Variants in DEFB123 observed in about 807,000 individuals in gnomAD.
DEFB123 encodes the protein beta-defensin 123.
For missense variants in DEFB123, 71 were observed against 75.0 expected (o/e 0.95, Z 0.20); for synonymous variants, 22 against 28.3 (o/e 0.78, Z 0.71).
At chr20:31,449,965 C>A in intron 1 of DEFB123, 64 bp from the exon 2 acceptor site, 1 of 1,505,732 alleles carries the variant, frequency 6.6e-7, no homozygotes. Context: ...TTTTACAGAC[C>A]TTTCAAATCC....
intron 1 of DEFB123, among the ~76,000 whole-genome samples, chr20:31,444,128 C>A (rs537588673): frequency 1.1e-4 from 16 of 152,230 alleles, no homozygotes; most frequent in African/African-American, 3.6e-4. Context: ...TTTTGACAAC[C>A]AATGGATTTT....
chr20:31,444,173 A>G (rs573802040), intron 1 of DEFB123, among the ~76,000 whole-genome samples: 30 of 152,150 alleles, frequency 2.0e-4, no homozygotes, highest in Non-Finnish European at 3.7e-4. Flanking sequence ...CATCACTTCA[A>G]TATTTTCAAA....
rs774611937 is a variant in DEFB123, at chr20:31,450,109, A to G, written c.139A>G (p.Ile47Val). Residue 47 changes from isoleucine (I) to valine (V), a missense_variant, in exon 2 of 2, where the codon ATA becomes GTA. Physicochemically the swap from Ile to Val is conservative, Grantham distance 29. Transcript: ENST00000376309. The part of the protein sequence containing the change: ...SKKERVYVYC[I>V]NNKMCCVKPK... ...GAAGGAAAGAGTCTATGTTTACTGCATAAATAATAAAATGTGCTGCGTGAA... is the reference window on the plus strand; with the variant it reads ...GAAGGAAAGAGTCTATGTTTACTGCGTAAATAATAAAATGTGCTGCGTGAA... 42 of 1,613,272 alleles carry G rather than the reference A, an allele frequency of 2.6e-5. No individual in the cohort carries two copies. Among genetic ancestry groups the G allele is most frequent in the Admixed American group, 1.7e-4 (10 of 59,880 alleles).
intron 1 of DEFB123, among the ~76,000 whole-genome samples, chr20:31,442,400 T>G (rs1430010571): frequency 6.6e-6 from 1 of 152,188 alleles, no homozygotes; most frequent in Admixed American, 6.5e-5. Flanking sequence ...CCAAGCACTG[T>G]GATGGGTGCT....
chr20:31,449,052 T>C (rs73116235), intron 1 of DEFB123, among the ~76,000 whole-genome samples: 12,311 of 152,042 alleles, frequency 0.081, 602 homozygotes, highest in Non-Finnish European at 0.11. Context: ...CATCTTTATT[T>C]CTTCTCATCA....
chr20:31,446,566 T>C (rs778131103), intron 1 of DEFB123, among the ~76,000 whole-genome samples: 14 of 152,208 alleles, frequency 9.2e-5, no homozygotes, highest in Non-Finnish European at 1.8e-4. Context: ...ACAAACGCAG[T>C]TTCACAGGCT....
rs531374373 is a variant in DEFB123 at position 31,448,683 on chromosome 20, C to T, written c.59-1346C>T. 8.5e-5 allele frequency among the ~76,000 whole-genome samples: 13 copies of T among 152,066 alleles called. No homozygotes were observed. The South Asian group carries it at 2.3e-3, about 27-fold the overall frequency. Reference sequence around the variant, plus strand: ...TCATTTAATATTTAATGTTTCATCTCAACTATTCCATGTGAATATATACAT... The same window carrying T: ...TCATTTAATATTTAATGTTTCATCTTAACTATTCCATGTGAATATATACAT... On this transcript the variant is annotated intron_variant, in intron 1 of 1. Transcript: ENST00000376309.
At chr20:31,446,109 T>C (rs992564424) in intron 1 of DEFB123, among the ~76,000 whole-genome samples, 6 of 152,144 alleles carry the variant, frequency 3.9e-5, no homozygotes, top group African/African-American at 1.4e-4. Context: ...CAAAGGAAAC[T>C]GCACACCAAA....
Position 31,446,543 on chromosome 20 carries a change from C to T in DEFB123, c.59-3486C>T, listed in dbSNP as rs78518343. On this transcript the variant is annotated intron_variant, in intron 1 of 1. Coordinates refer to ENST00000376309, the MANE Select transcript of DEFB123 (RefSeq NM_153324.4). ...AAAGAGGGTTTCTCAGCACTTTGTT[C>T]TTTTGTTAATTAACAAACGCAGTTT... Among the ~76,000 whole-genome samples, 161 of 152,304 alleles carry T rather than the reference C, an allele frequency of 1.1e-3. 4 individuals are homozygous for T. In the East Asian group the frequency reaches 0.028, roughly 27 times the overall value.
chr20:31,448,872 C>A (rs1034870705), intron 1 of DEFB123, among the ~76,000 whole-genome samples: 2 of 144,894 alleles, frequency 1.4e-5, no homozygotes, highest in Non-Finnish European at 3.0e-5. Flanking sequence ...CCACCACGCC[C>A]AGCTAATTTT....
At chr20:31,449,296 T>G (rs6059379) in intron 1 of DEFB123, among the ~76,000 whole-genome samples, 127,692 of 151,616 alleles carry the variant, frequency 0.84, 53,866 homozygotes, top group African/African-American at 0.89. Flanking sequence ...ATATTTTTCT[T>G]GCATGCAGCT....
intron 1 of DEFB123, among the ~76,000 whole-genome samples, chr20:31,447,779 G>GC (rs1979626602): frequency 1.3e-5 from 1 of 77,572 alleles, no homozygotes; most frequent in Admixed American, 1.5e-4. Flanking sequence ...AACACACCCG[G>GC]CTTTTTTTTT....
chr20:31,440,852 C>A, intron 1 of DEFB123, 96 bp downstream of exon 1: 1 of 1,478,424 alleles, frequency 6.8e-7, no homozygotes, highest in Non-Finnish European at 9.3e-7. Flanking sequence ...AGGTTGTCAT[C>A]TAGCACCACG....
chr20:31,447,950 C>A (rs1266594177), intron 1 of DEFB123, among the ~76,000 whole-genome samples: 1 of 152,040 alleles, frequency 6.6e-6, no homozygotes, highest in East Asian at 1.9e-4. Context: ...CCATGCCCAG[C>A]TAATTTTTTG....
At chr20:31,448,384 G>C (rs1352804675) in intron 1 of DEFB123, among the ~76,000 whole-genome samples, 1 of 151,982 alleles carries the variant, frequency 6.6e-6, no homozygotes, top group East Asian at 1.9e-4. Context: ...ATGGTTCTAT[G>C]GGCTTAGAGT....
intron 1 of DEFB123, among the ~76,000 whole-genome samples, chr20:31,442,637 G>A (rs543821039): frequency 8.3e-6 from 1 of 120,264 alleles, no homozygotes; most frequent in African/African-American, 3.4e-5. Flanking sequence ...GTCTTGCTCT[G>A]TCACCCAGGC....
Position 31,440,640 on chromosome 20 carries a change from T to C in DEFB123, c.-59T>C. 6.2e-7 allele frequency: 1 copy of C among 1,605,250 alleles called. No homozygotes were observed. The highest frequency in any genetic ancestry group is 8.5e-7 in the Non-Finnish European group (1 of 1,174,038). ...CGAGCCACAGGCCAGGCACTCTCCT[T>C]CTCCCATTAGCTCAGCCGTGGCATC... On this transcript the variant is annotated 5_prime_UTR_variant, in exon 1 of 2. Coordinates refer to ENST00000376309, the MANE Select transcript of DEFB123 (RefSeq NM_153324.4).
chr20:31,450,066 C>G lies in DEFB123; in HGVS notation c.96C>G (p.Cys32Trp). 1.2e-6 allele frequency: 2 copies of G among 1,611,490 alleles called. No homozygotes were observed. The highest frequency in any genetic ancestry group is 1.7e-6 in the Non-Finnish European group (2 of 1,178,958). Residue 32 changes from cysteine to tryptophan, a missense_variant, in exon 2 of 2, where the codon TGC becomes TGG. By Grantham distance (215) the Cys-to-Trp change is radical. Transcript: ENST00000376309. ...TQRCWNLYGK[C>W]RYRCSKKERV... is the part of the protein sequence containing the mutation. Reference sequence around the variant, plus strand: ...GATGCTGGAATCTTTATGGCAAATGCCGTTACAGATGCTCCAAGAAGGAAA... The same window carrying G: ...GATGCTGGAATCTTTATGGCAAATGGCGTTACAGATGCTCCAAGAAGGAAA...
intron 1 of DEFB123, among the ~76,000 whole-genome samples, chr20:31,446,527 T>G (rs187016235): frequency 1.3e-3 from 205 of 152,310 alleles, no homozygotes; most frequent in African/African-American, 4.6e-3. Flanking sequence ...AAAAGAGGGT[T>G]TCTCAGCACT....
Sources: gnomAD v4.1 joint callset for allele counts (sites outside exome capture counted in the v4.1 genomes callset) on GRCh38, gnomAD v4.1.1 for gene constraint, MANE v1.5 for transcripts, NCBI Gene and HGNC (gene_info 2026-07-23, HGNC 2026-07-21) for gene names.